DCDC2: variants seen among roughly 807,000 people sequenced by gnomAD.
DCDC2 encodes doublecortin domain containing 2.
Under a neutral mutation model 50.2 loss-of-function variants are expected in DCDC2, and 40 were observed. The observed-to-expected ratio is 0.80, with a 90% CI of 0.62 to 1.04. DCDC2 has a LOEUF of 1.04. DCDC2 is among the 50% of genes least tolerant of loss of function. The pLI, the probability that DCDC2 is intolerant of heterozygous loss-of-function variation, is 0.00. For missense variants in DCDC2, 570 were observed against 581.9 expected, an observed-to-expected ratio of 0.98 and a Z score of 0.21; for synonymous variants, 234 against 210.6, an observed-to-expected ratio of 1.11 and a Z score of -0.96.
intron 7 of DCDC2, among the ~76,000 whole-genome samples, chr6:24,213,512 G>A (rs1371800018): frequency 6.6e-6 from 1 of 152,098 alleles, no homozygotes; most frequent in Non-Finnish European, 1.5e-5. Flanking sequence ...TGTCACCTCA[G>A]TCACCAGAGG....
At chr6:24,282,466 C>T (rs1763498769) in intron 6 of DCDC2, among the ~76,000 whole-genome samples, 1 of 152,056 alleles carries the variant, frequency 6.6e-6, no homozygotes, top group East Asian at 1.9e-4. Flanking sequence ...TGCTCTCAAA[C>T]TCCTGACCTC....
intron 7 of DCDC2, among the ~76,000 whole-genome samples, chr6:24,221,469 A>G (rs191473669): frequency 6.6e-6 from 1 of 152,256 alleles, no homozygotes; most frequent in Non-Finnish European, 1.5e-5. Context: ...ACATCTCTGA[A>G]GTTTTTACAC....
intron 9 of DCDC2, among the ~76,000 whole-genome samples, chr6:24,176,623 A>G (rs2113736859): frequency 6.6e-6 from 1 of 152,338 alleles, no homozygotes; most frequent in Admixed American, 6.5e-5. Flanking sequence ...TTGTGGTGAG[A>G]ACCCTTCAAA....
At chr6:24,257,467 T>C (rs907219208) in intron 7 of DCDC2, among the ~76,000 whole-genome samples, 3 of 152,120 alleles carry the variant, frequency 2.0e-5, no homozygotes, top group African/African-American at 7.2e-5. Context: ...GCTGTTGTAA[T>C]ACACCTGCTG....
intron 6 of DCDC2, among the ~76,000 whole-genome samples, chr6:24,287,691 C>T (rs187436717): frequency 1.4e-4 from 21 of 152,230 alleles, no homozygotes; most frequent in African/African-American, 5.1e-4. Flanking sequence ...GTCCTCTCCC[C>T]TCATCTACCT....
At chr6:24,298,690 A>G (rs1396201316) in intron 4 of DCDC2, among the ~76,000 whole-genome samples, 2 of 152,254 alleles carry the variant, frequency 1.3e-5, no homozygotes, top group Non-Finnish European at 2.9e-5. Context: ...TGTATATTAA[A>G]TAAAAATCCC....
chr6:24,211,081 C>G (rs1258397226), intron 7 of DCDC2, among the ~76,000 whole-genome samples: 2 of 152,118 alleles, frequency 1.3e-5, no homozygotes, highest in Admixed American at 1.3e-4. Context: ...CTGCCTTGCA[C>G]TTACTGTGTT....
chr6:24,208,193 C>G (rs1231109009), intron 7 of DCDC2, among the ~76,000 whole-genome samples: 1 of 152,088 alleles, frequency 6.6e-6, no homozygotes, highest in Non-Finnish European at 1.5e-5. Context: ...TCACCCTATG[C>G]CTTCCATGTC....
chr6:24,289,598 T>C (rs1314358536), intron 5 of DCDC2, among the ~76,000 whole-genome samples: 1 of 152,236 alleles, frequency 6.6e-6, no homozygotes, highest in East Asian at 1.9e-4. Flanking sequence ...AACCTAGGGC[T>C]GCTTAGCAAA....
intron 4 of DCDC2, among the ~76,000 whole-genome samples, chr6:24,295,995 C>G (rs1009292285): frequency 3.9e-5 from 6 of 151,960 alleles, no homozygotes; most frequent in African/African-American, 1.5e-4. Flanking sequence ...TAAATGGAAC[C>G]AAAAAAGAAC....
chr6:24,244,676 T>C (rs1268711147), intron 7 of DCDC2, among the ~76,000 whole-genome samples: 1 of 152,236 alleles, frequency 6.6e-6, no homozygotes, highest in Non-Finnish European at 1.5e-5. Flanking sequence ...CACTGCCCTT[T>C]GTCTCCCTCC....
At chr6:24,351,956 TA>T (rs1302275182) in intron 2 of DCDC2, among the ~76,000 whole-genome samples, 2 of 151,862 alleles carry the variant, frequency 1.3e-5, no homozygotes. Flanking sequence ...ACAAAAAAAT[TA>T]GCCAGGTGTG....
chr6:24,300,243 AC>A (rs1372863138), intron 4 of DCDC2, among the ~76,000 whole-genome samples: 1 of 152,010 alleles, frequency 6.6e-6, no homozygotes, highest in East Asian at 1.9e-4. Context: ...GAAAAAAAAA[AC>A]AAAAGCTAGA....
At chr6:24,286,465 T>C (rs917661985) in intron 6 of DCDC2, among the ~76,000 whole-genome samples, 1 of 151,972 alleles carries the variant, frequency 6.6e-6, no homozygotes, top group East Asian at 1.9e-4. Context: ...TGGTGGCACA[T>C]GCCTGGAGTC....
intron 8 of DCDC2, 147 bp from the exon 9 acceptor site, chr6:24,178,779 G>A (rs1016510422): frequency 1.1e-5 from 8 of 714,146 alleles, no homozygotes; most frequent in South Asian, 5.8e-5. Context: ...ACGCACTTAC[G>A]TTTACTGAGT....
At chr6:24,349,585 T>G (rs1581665216) in intron 2 of DCDC2, among the ~76,000 whole-genome samples, 1 of 152,114 alleles carries the variant, frequency 6.6e-6, no homozygotes. Flanking sequence ...AAGGAGCTGG[T>G]AAATCAACTT....
At chr6:24,253,312 T>C (rs1320200879) in intron 7 of DCDC2, among the ~76,000 whole-genome samples, 1 of 152,192 alleles carries the variant, frequency 6.6e-6, no homozygotes, top group Non-Finnish European at 1.5e-5. Flanking sequence ...TTATTATAGA[T>C]CCTACAGGCA....
intron 2 of DCDC2, among the ~76,000 whole-genome samples, chr6:24,327,766 C>T (rs533468486): frequency 5.6e-4 from 85 of 152,130 alleles, no homozygotes; most frequent in Non-Finnish European, 9.7e-4. Flanking sequence ...TGAGCCACCG[C>T]GCCTGGCAAC....
chr6:24,331,999 T>C (rs1461668438), intron 2 of DCDC2, among the ~76,000 whole-genome samples: 3 of 152,092 alleles, frequency 2.0e-5, no homozygotes, highest in Non-Finnish European at 2.9e-5. Flanking sequence ...GGCTAAAAAA[T>C]AAGAGATTTG....
Sources: gnomAD v4.1 joint callset for allele counts (sites outside exome capture counted in the v4.1 genomes callset) on GRCh38, gnomAD v4.1.1 for gene constraint, MANE v1.5 for transcripts, NCBI Gene and HGNC (gene_info 2026-07-23, HGNC 2026-07-21) for gene names.